PDE1C: variants seen among roughly 807,000 people sequenced by gnomAD.
PDE1C encodes dual specificity calcium/calmodulin-dependent 3',5'-cyclic nucleotide phosphodiesterase 1C.
PDE1C carries 62 observed loss-of-function variants against 93.1 expected under a neutral mutation model. That is an observed-to-expected ratio of 0.67 (90% CI 0.54 to 0.82). The LOEUF is 0.82. PDE1C is among the 40% of genes least tolerant of loss of function. The probability of loss-of-function intolerance (pLI) is 0.00; values close to 1 mark genes in which losing one functional copy is unlikely to be tolerated. For synonymous variants in PDE1C, 325 were observed against 310.1 expected, an observed-to-expected ratio of 1.05 and a Z score of -0.50; for missense variants, 742 against 884.6, an observed-to-expected ratio of 0.84 and a Z score of 2.04.
intron 17 of PDE1C, among the ~76,000 whole-genome samples, chr7:31,760,961 T>C (rs1406831930): frequency 6.6e-6 from 1 of 152,188 alleles, no homozygotes; most frequent in Non-Finnish European, 1.5e-5. Flanking sequence ...CCAGGAGTTT[T>C]GAACTGCAAG....
chr7:32,278,127 C>CAAAA (rs10626490), intron 1 of PDE1C, among the ~76,000 whole-genome samples: 74 of 136,022 alleles, frequency 5.4e-4, no homozygotes, highest in African/African-American at 4.4e-4. Flanking sequence ...AACGAGTTGC[C>CAAAA]AAAAAAAAAA....
intron 9 of PDE1C, among the ~76,000 whole-genome samples, chr7:31,844,767 A>G (rs1476438663): frequency 6.6e-6 from 1 of 151,834 alleles, no homozygotes; most frequent in East Asian, 1.9e-4. Context: ...CTGAGACTCA[A>G]ATTGCCCTTA....
chr7:31,797,353 C>T (rs1349574461), intron 16 of PDE1C, among the ~76,000 whole-genome samples: 1 of 151,676 alleles, frequency 6.6e-6, no homozygotes, highest in African/African-American at 2.4e-5. Flanking sequence ...AGTGGGATAC[C>T]TTCCTAGACC....
intron 6 of PDE1C, among the ~76,000 whole-genome samples, chr7:31,867,838 G>A (rs1186225927): frequency 2.0e-5 from 3 of 152,196 alleles, no homozygotes; most frequent in African/African-American, 4.8e-5. Flanking sequence ...GGGGCCCAAG[G>A]TCAGGCCCAA....
At chr7:32,396,533 A>G (rs78018218) in intron 1 of PDE1C, among the ~76,000 whole-genome samples, 1 of 145,390 alleles carries the variant, frequency 6.9e-6, no homozygotes, top group Non-Finnish European at 1.5e-5. Context: ...GGGGGGGGGG[A>G]GTGTTGTAAT....
intron 2 of PDE1C, among the ~76,000 whole-genome samples, chr7:32,033,903 C>A (rs1196636949): frequency 6.6e-6 from 1 of 152,170 alleles, no homozygotes; most frequent in Non-Finnish European, 1.5e-5. Flanking sequence ...TGATACTCTA[C>A]TCCCACCAAC....
At chr7:31,916,651 C>T (rs1801954855) in intron 2 of PDE1C, among the ~76,000 whole-genome samples, 2 of 152,176 alleles carry the variant, frequency 1.3e-5, no homozygotes, top group Admixed American at 6.5e-5. Flanking sequence ...TATCAGGTAA[C>T]CCTGCACCAG....
chr7:32,133,506 T>G (rs1385815763), intron 3 of PDE1C, among the ~76,000 whole-genome samples: 1 of 152,208 alleles, frequency 6.6e-6, no homozygotes, highest in Non-Finnish European at 1.5e-5. Flanking sequence ...GGGCATCCAC[T>G]GCTGCCAGGG....
intron 2 of PDE1C, among the ~76,000 whole-genome samples, chr7:32,177,799 G>A (rs148385558): frequency 3.4e-4 from 52 of 152,232 alleles, no homozygotes; most frequent in East Asian, 3.1e-3. Context: ...GAATCTGTGC[G>A]TGTAACACAC....
chr7:31,928,833 C>T (rs1309874653), intron 2 of PDE1C, among the ~76,000 whole-genome samples: 1 of 152,092 alleles, frequency 6.6e-6, no homozygotes, highest in Non-Finnish European at 1.5e-5. Flanking sequence ...CAAAAACATA[C>T]CAAATTATAA....
chr7:31,644,884 G>A, the PDE1C span, among the ~76,000 whole-genome samples: 1 of 152,196 alleles, frequency 6.6e-6, no homozygotes, highest in Non-Finnish European at 1.5e-5. Context: ...GATTTACTGA[G>A]CACCTTCTGT....
intron 1 of PDE1C, among the ~76,000 whole-genome samples, chr7:32,384,252 T>C (rs1278228597): frequency 6.6e-6 from 1 of 152,222 alleles, no homozygotes; most frequent in Non-Finnish European, 1.5e-5. Flanking sequence ...ACAAAGATTC[T>C]AGTCTAGATG....
chr7:31,911,921 C>T (rs961380326), intron 2 of PDE1C, among the ~76,000 whole-genome samples: 1 of 152,198 alleles, frequency 6.6e-6, no homozygotes, highest in African/African-American at 2.4e-5. Context: ...TGAGTTCACT[C>T]TCCCATTGCC....
intron 15 of PDE1C, among the ~76,000 whole-genome samples, chr7:31,812,278 G>A (rs1213114688): frequency 6.6e-6 from 1 of 152,086 alleles, no homozygotes; most frequent in Non-Finnish European, 1.5e-5. Flanking sequence ...GAAGACTCAG[G>A]TTCCTGTTTT....
At chr7:31,663,044 C>A in the PDE1C span, among the ~76,000 whole-genome samples, 1 of 152,156 alleles carries the variant, frequency 6.6e-6, no homozygotes, top group African/African-American at 2.4e-5. Context: ...CTTTTCAAAC[C>A]CTGTATGCCA....
the PDE1C span, among the ~76,000 whole-genome samples, chr7:31,711,974 T>C: frequency 1.3e-5 from 2 of 152,098 alleles, no homozygotes; most frequent in Non-Finnish European, 2.9e-5. Context: ...TCTTTGCCCC[T>C]CACCACCCAG....
intron 2 of PDE1C, among the ~76,000 whole-genome samples, chr7:31,933,264 CT>C (rs1804579365): frequency 1.3e-5 from 2 of 151,986 alleles, no homozygotes; most frequent in Admixed American, 1.3e-4. Flanking sequence ...AGATGTTTTT[CT>C]CTTTAATTAG....
the PDE1C span, among the ~76,000 whole-genome samples, chr7:31,733,581 T>C: frequency 0.029 from 4,395 of 152,320 alleles, 97 homozygotes; most frequent in African/African-American, 0.04. Context: ...TGAATCCTCA[T>C]ACATTGCCAT....
At chr7:31,697,158 G>T in the PDE1C span, 4 of 1,607,140 alleles carry the variant, frequency 2.5e-6, no homozygotes, top group South Asian at 4.5e-5. Context: ...GGGTGATGGG[G>T]ACAGGTCAAG....
Sources: gnomAD v4.1 joint callset for allele counts (sites outside exome capture counted in the v4.1 genomes callset) on GRCh38, gnomAD v4.1.1 for gene constraint, MANE v1.5 for transcripts, NCBI Gene and HGNC (gene_info 2026-07-23, HGNC 2026-07-21) for gene names.